The following JAK1 variants were observed in gnomAD, a reference collection of about 807,000 sequenced individuals.
JAK1 encodes the protein tyrosine-protein kinase JAK1.
Under a neutral mutation model 136.6 loss-of-function variants are expected in JAK1, and 16 were observed. The ratio of observed to expected loss-of-function variants is 0.12; its 90% CI spans 0.08 to 0.18. JAK1 has a LOEUF of 0.18. JAK1 is among the 10% of genes least tolerant of loss of function. The pLI, the probability that JAK1 is intolerant of heterozygous loss-of-function variation, is 1.00. For missense variants in JAK1, 859 were observed against 1,450.1 expected (o/e 0.59, Z 6.62); for synonymous variants, 492 against 519.5 (o/e 0.95, Z 0.72).
chr1:65,052,229 C>A (rs1647310894), intron 1 of JAK1, among the ~76,000 whole-genome samples: 1 of 151,726 alleles, frequency 6.6e-6, no homozygotes, highest in South Asian at 2.1e-4. Flanking sequence ...AGCCACCACA[C>A]CCAGCTCAGG....
chr1:64,948,538 CAATAA>C (rs1646026814), intron 1 of JAK1, among the ~76,000 whole-genome samples: 2 of 152,092 alleles, frequency 1.3e-5, no homozygotes, highest in African/African-American at 4.8e-5. Context: ...CAGATCTCAC[CAATAA>C]AATAACTTTC....
intron 5 of JAK1, among the ~76,000 whole-genome samples, chr1:64,871,486 T>C (rs1557651970): frequency 6.6e-6 from 1 of 152,162 alleles, no homozygotes; most frequent in Non-Finnish European, 1.5e-5. Context: ...CCAGCCTCAT[T>C]ACTCAATTTC....
intron 1 of JAK1, chr1:65,057,840 C>T (rs1647618526): frequency 6.5e-6 from 1 of 154,724 alleles, no homozygotes. Flanking sequence ...GCAGCAATAA[C>T]ATAGGCATTC....
chr1:65,056,923 T>TTA (rs552380394), intron 1 of JAK1, among the ~76,000 whole-genome samples: 3 of 118,748 alleles, frequency 2.5e-5, no homozygotes, highest in Admixed American at 9.2e-5. Flanking sequence ...ACTCTTTCTT[T>TTA]AAAAAAAAAA....
intron 8 of JAK1, among the ~76,000 whole-genome samples, chr1:64,861,734 C>T (rs1656358338): frequency 6.6e-6 from 1 of 152,048 alleles, no homozygotes; most frequent in South Asian, 2.1e-4. Flanking sequence ...GCTGTAATGC[C>T]GAAGGAAGCA....
In JAK1 at chr1:64,940,395, C is replaced by A. The variant is rs1041734388; in HGVS notation, c.-78+25938G>T. Reference sequence around the variant, plus strand: ...GCAGTGGCACAATCTCCACTCACTGCAACCTCTGCCTCTCAGGTTCAACCG... The same window carrying A: ...GCAGTGGCACAATCTCCACTCACTGAAACCTCTGCCTCTCAGGTTCAACCG... On this transcript the variant is annotated intron_variant, in intron 1 of 24. Coordinates refer to ENST00000342505, the MANE Select transcript of JAK1 (RefSeq NM_002227.4). 2.0e-5 allele frequency among the ~76,000 whole-genome samples: 3 copies of A among 151,038 alleles called. No homozygotes were observed. In the Admixed American group the frequency reaches 2.0e-4, roughly 10 times the overall value.
At chr1:65,025,087 T>A (rs1043623849) in intron 2 of JAK1, among the ~76,000 whole-genome samples, 1 of 152,180 alleles carries the variant, frequency 6.6e-6, no homozygotes, top group African/African-American at 2.4e-5. Context: ...AACAGCAAGA[T>A]GGCTATAGCA....
chr1:65,047,574 C>T (rs1046702281), intron 1 of JAK1, among the ~76,000 whole-genome samples: 3 of 152,044 alleles, frequency 2.0e-5, no homozygotes, highest in African/African-American at 7.2e-5. Flanking sequence ...AAACAATTAG[C>T]CGGGCGTGGT....
intron 11 of JAK1, among the ~76,000 whole-genome samples, chr1:64,854,961 C>T (rs188156461): frequency 4.6e-5 from 7 of 152,306 alleles, no homozygotes; most frequent in South Asian, 2.1e-4. Flanking sequence ...CCCTGTGCCA[C>T]GGAACTCAGG....
intron 3 of JAK1, among the ~76,000 whole-genome samples, chr1:64,879,714 A>G (rs1399634966): frequency 6.6e-6 from 1 of 152,226 alleles, no homozygotes; most frequent in African/African-American, 2.4e-5. Flanking sequence ...TTAATAATAA[A>G]TATACTTCTT....
chr1:64,865,517 T>C (rs2101106751), intron 7 of JAK1, among the ~76,000 whole-genome samples: 1 of 152,346 alleles, frequency 6.6e-6, no homozygotes, highest in East Asian at 1.9e-4. Flanking sequence ...GCATGAGCCC[T>C]GGAGACCAGA....
chr1:65,017,469 AAAAAAT>A (rs1311577103), intron 2 of JAK1, among the ~76,000 whole-genome samples: 1 of 152,208 alleles, frequency 6.6e-6, no homozygotes, highest in African/African-American at 2.4e-5. Context: ...CTCTGTCTCA[AAAAAAT>A]AAAAATAAAA....
chr1:65,006,823 C>T (rs1646807730), intron 2 of JAK1, among the ~76,000 whole-genome samples: 1 of 152,124 alleles, frequency 6.6e-6, no homozygotes, highest in African/African-American at 2.4e-5. Context: ...TTGATTCATC[C>T]AGACATTATT....
At chr1:64,905,966 C>G (rs1254428031) in intron 1 of JAK1, among the ~76,000 whole-genome samples, 3 of 152,134 alleles carry the variant, frequency 2.0e-5, no homozygotes, top group Admixed American at 6.6e-5. Context: ...GTGATCTCAC[C>G]CTGTTGCATG....
rs372213203 is a variant in JAK1 at position 64,958,102 on chromosome 1, T to A, written c.-78+8231A>T. Among the ~76,000 whole-genome samples, 206 of 152,376 alleles carry A rather than the reference T, an allele frequency of 1.4e-3. 5 individuals are homozygous for A. The South Asian group carries it at 0.042, about 31-fold the overall frequency. On this transcript the variant is annotated intron_variant, in intron 1 of 24. Coordinates refer to ENST00000342505, the MANE Select transcript of JAK1 (RefSeq NM_002227.4). ...TTTCTAAGGGCAGGAGCCAAGCCCA[T>A]CTTGTTCTCACATACAGTGAGATCT... is the stretch of plus-strand genomic sequence containing the variant.
At chr1:64,839,916 T>TG in intron 19 of JAK1, 121 bp from the exon 20 acceptor site, 1 of 771,366 alleles carries the variant, frequency 1.3e-6, no homozygotes, top group Non-Finnish European at 2.0e-6. Flanking sequence ...TGTCTGGCCT[T>TG]GCAGGCAGAA....
At chr1:64,906,901 C>T (rs1645198539) in intron 1 of JAK1, among the ~76,000 whole-genome samples, 1 of 152,022 alleles carries the variant, frequency 6.6e-6, no homozygotes, top group South Asian at 2.1e-4. Flanking sequence ...ACCTTTCATG[C>T]CAGTGCATGT....
At chr1:64,926,730 T>C (rs747780431) in intron 1 of JAK1, among the ~76,000 whole-genome samples, 7 of 152,200 alleles carry the variant, frequency 4.6e-5, no homozygotes, top group African/African-American at 9.7e-5. Flanking sequence ...CACTACAGCA[T>C]AGCAGATATA....
At chr1:64,931,077 C>T (rs1318588858) in intron 1 of JAK1, among the ~76,000 whole-genome samples, 1 of 152,038 alleles carries the variant, frequency 6.6e-6, no homozygotes. Context: ...CAGCAAACCA[C>T]CATGGCACGT....
Sources: gnomAD v4.1 joint callset for allele counts (sites outside exome capture counted in the v4.1 genomes callset) on GRCh38, gnomAD v4.1.1 for gene constraint, MANE v1.5 for transcripts, NCBI Gene and HGNC (gene_info 2026-07-23, HGNC 2026-07-21) for gene names.